Variants in NLRP8 observed in about 807,000 individuals in gnomAD.
NLRP8 encodes NACHT, LRR and PYD domains-containing protein 8.
Under a neutral mutation model 88.7 loss-of-function variants are expected in NLRP8, and 86 were observed. The observed-to-expected ratio is 0.97, with a 90% CI of 0.81 to 1.16. NLRP8 has a LOEUF of 1.16. Ranked by LOEUF, NLRP8 falls within the 50% of genes most tolerant of loss-of-function variation. The probability of loss-of-function intolerance (pLI) is 0.00; values close to 1 mark genes in which losing one functional copy is unlikely to be tolerated. For missense variants in NLRP8, 1,342 were observed against 1,286.5 expected (o/e 1.04, Z -0.66); for synonymous variants, 504 against 494.6 (o/e 1.02, Z -0.25).
chr19:55,956,603 G>C (rs1247108088), intron 3 of NLRP8, among the ~76,000 whole-genome samples: 1 of 152,098 alleles, frequency 6.6e-6, no homozygotes, highest in Non-Finnish European at 1.5e-5. Flanking sequence ...TTTACAAACT[G>C]TCCCAGTTTG....
In NLRP8 at chr19:55,966,133, G is replaced by A. The variant is rs73934219; in HGVS notation, c.2214-80G>A. On this transcript the variant is annotated intron_variant, in intron 4 of 9. Coordinates refer to ENST00000291971, the MANE Select transcript of NLRP8 (RefSeq NM_176811.2). The stretch of plus-strand genomic sequence containing the variant: ...TGCACCTGTCCCACGTGCAGCTTCC[G>A]GGAGCCTCGTTTGTGAGGCCACAGA... 71,163 of 1,381,104 alleles carry A rather than the reference G, an allele frequency of 0.052. 2,271 individuals are homozygous for A. Among genetic ancestry groups the A allele is most frequent in the African/African-American group, 0.12 (8,266 of 70,276 alleles). The allele number at this position is 1,381,104 out of a possible 1,614,324, so 85.6% of individuals were successfully genotyped here. A position where few individuals can be genotyped will look rare whatever the true frequency, so the allele number is the denominator to read the frequency against.
chr19:55,964,431 C>T (rs1395276807), intron 4 of NLRP8, among the ~76,000 whole-genome samples: 1 of 152,160 alleles, frequency 6.6e-6, no homozygotes, highest in Non-Finnish European at 1.5e-5. Context: ...ACAGAACGGG[C>T]CCCTCCTTAT....
intron 3 of NLRP8, among the ~76,000 whole-genome samples, chr19:55,961,538 A>G (rs1438907793): frequency 6.6e-6 from 1 of 152,200 alleles, no homozygotes; most frequent in Non-Finnish European, 1.5e-5. Flanking sequence ...ACGGTGATTC[A>G]CACCTGTAAC....
intron 8 of NLRP8, among the ~76,000 whole-genome samples, chr19:55,978,223 A>T (rs1980428930): frequency 6.6e-6 from 1 of 151,760 alleles, no homozygotes; most frequent in South Asian, 2.1e-4. Flanking sequence ...ATTATACTTT[A>T]AGTTTTAGAG....
chr19:55,970,919 T>A (rs772274466), intron 6 of NLRP8, among the ~76,000 whole-genome samples: 5 of 152,234 alleles, frequency 3.3e-5, no homozygotes, highest in Non-Finnish European at 7.4e-5. Flanking sequence ...TACCTAATAT[T>A]CTATATCAAG....
intron 6 of NLRP8, 116 bp downstream of exon 6, chr19:55,970,812 A>G (rs990729593): frequency 1.5e-6 from 2 of 1,339,850 alleles, no homozygotes; most frequent in African/African-American, 1.5e-5. Context: ...AGGAGCAAAC[A>G]TAAGTCTTGT....
intron 8 of NLRP8, among the ~76,000 whole-genome samples, chr19:55,978,502 A>C (rs2123225370): frequency 6.6e-6 from 1 of 152,266 alleles, no homozygotes; most frequent in South Asian, 2.1e-4. Flanking sequence ...CTGCAGGGTC[A>C]CTAGTGAGTC....
rs780740660 is a variant in NLRP8 at position 55,979,419 on chromosome 19, A to C, written c.2902A>C (p.Ile968Leu). Residue 968 changes from isoleucine to leucine, a missense_variant, in exon 9 of 10, where the codon ATC (isoleucine) becomes CTC (leucine). Physicochemically the swap from Ile to Leu is conservative, Grantham distance 5. Transcript: ENST00000291971. ...GCTGGAAAACTGCCTGTTCACCTCCATCTGCTGCCAGGCCATGGCTTCCAT... is the reference window on the plus strand; with the variant it reads ...GCTGGAAAACTGCCTGTTCACCTCCCTCTGCTGCCAGGCCATGGCTTCCAT... 12 of 1,613,996 alleles carry C rather than the reference A, an allele frequency of 7.4e-6. No individual in the cohort carries two copies. The Middle Eastern group carries it at 1.2e-3, about 159-fold the overall frequency.
rs760775515 is a variant in NLRP8 at position 55,970,599 on chromosome 19, C to A, written c.2437C>A (p.Gln813Lys). The A allele has an allele frequency of 5.0e-6, 8 of 1,614,106 alleles. 1 individual carries two copies. In the South Asian group the frequency reaches 7.7e-5, roughly 16 times the overall value. Residue 813 changes from glutamine (Q) to lysine (K), a missense_variant, in exon 6 of 10, where the codon CAA becomes AAA. Gln to Lys is a moderately conservative substitution (Grantham distance 53, BLOSUM62 1). Transcript: ENST00000291971. Reference sequence around the variant, plus strand: ...TTGGACTGATCTTGGCAATAATCTTCAAGGTAACGGGCATCTAAAGACTCT... The same window carrying A: ...TTGGACTGATCTTGGCAATAATCTTAAAGGTAACGGGCATCTAAAGACTCT...
Position 55,979,432 on chromosome 19 carries a change from C to G in NLRP8, c.2915C>G (p.Ala972Gly). 1 of 1,614,116 alleles carries G rather than the reference C, an allele frequency of 6.2e-7. No individual in the cohort carries two copies. Among genetic ancestry groups the G allele is most frequent in the Non-Finnish European group, 8.5e-7 (1 of 1,180,028 alleles). ...CTGTTCACCTCCATCTGCTGCCAGG[C>G]CATGGCTTCCATGCTCCGCAAAAAC... Residue 972 changes from alanine to glycine, a missense_variant, in exon 9 of 10, where the codon GCC becomes GGC. Coordinates refer to ENST00000291971, the MANE Select transcript of NLRP8 (RefSeq NM_176811.2).
At chr19:55,959,069 G>C (rs1979500540) in intron 3 of NLRP8, among the ~76,000 whole-genome samples, 1 of 150,018 alleles carries the variant, frequency 6.7e-6, no homozygotes, top group Admixed American at 6.7e-5. Flanking sequence ...TAATAGAGAC[G>C]GGGTTTCACT....
intron 8 of NLRP8, 131 bp from the exon 9 acceptor site, chr19:55,979,263 A>C: frequency 1.0e-6 from 1 of 970,214 alleles, no homozygotes; most frequent in South Asian, 1.6e-5. Context: ...ATAGGTGAAT[A>C]GACCATAGTT....
chr19:55,986,489 C>CACAT (rs993758340), intron 9 of NLRP8, among the ~76,000 whole-genome samples: 3 of 151,254 alleles, frequency 2.0e-5, no homozygotes, highest in East Asian at 1.9e-4. Flanking sequence ...CACACACACA[C>CACAT]ACACACACAC....
At chr19:55,984,389 T>C (rs1276435794) in intron 9 of NLRP8, among the ~76,000 whole-genome samples, 2 of 152,114 alleles carry the variant, frequency 1.3e-5, no homozygotes, top group Non-Finnish European at 2.9e-5. Context: ...GCGCAGTGGC[T>C]CACGCCTGTA....
intron 7 of NLRP8, 55 bp from the exon 8 acceptor site, chr19:55,976,078 T>G: frequency 2.2e-6 from 3 of 1,387,534 alleles, no homozygotes; most frequent in Non-Finnish European, 2.9e-6. Flanking sequence ...TTGTTGTTGT[T>G]GTTGTTTTGT....
In NLRP8 at chr19:55,954,512, C is replaced by T. The variant is rs186757752; in HGVS notation, c.454C>T (p.Arg152Trp). 16 of 1,612,986 alleles carry T rather than the reference C, an allele frequency of 9.9e-6. No homozygotes were observed. The highest frequency in any genetic ancestry group is 1.3e-5 in the African/African-American group (1 of 74,966). ...TCTCACAAATCTAGGTAAAATACGG[C>T]GGTATAAATCGAATGTGATGGAAAA... is the stretch of plus-strand genomic sequence containing the variant. Residue 152 changes from arginine (R) to tryptophan (W), a missense_variant, in exon 3 of 10, where the codon CGG becomes TGG. Arg to Trp is a moderately radical substitution (Grantham distance 101). Coordinates refer to ENST00000291971, the MANE Select transcript of NLRP8 (RefSeq NM_176811.2).
chr19:55,949,681 G>T (rs1014505912), intron 1 of NLRP8, among the ~76,000 whole-genome samples: 1 of 152,116 alleles, frequency 6.6e-6, no homozygotes, highest in Non-Finnish European at 1.5e-5. Flanking sequence ...CCAGAAACAT[G>T]ATAGGAGCTG....
chr19:55,969,410 C>A (rs549622787), intron 5 of NLRP8, among the ~76,000 whole-genome samples: 25 of 152,278 alleles, frequency 1.6e-4, no homozygotes, highest in Admixed American at 7.2e-4. Flanking sequence ...CCAGCTCCAT[C>A]CAAGTTGCTG....
At chr19:55,980,982 G>A (rs773825969) in intron 9 of NLRP8, among the ~76,000 whole-genome samples, 77 bp from the exon 10 acceptor site, 3 of 152,114 alleles carry the variant, frequency 2.0e-5, no homozygotes, top group Non-Finnish European at 4.4e-5. Flanking sequence ...CTGTTCTAGA[G>A]GTTCTGTCTC....
Sources: allele counts gnomAD v4.1 joint callset (sites outside exome capture counted in the v4.1 genomes callset), GRCh38; gene constraint gnomAD v4.1.1; transcripts MANE v1.5; gene names NCBI Gene and HGNC (gene_info 2026-07-23, HGNC 2026-07-21).